MCF2L: variants seen among roughly 807,000 people sequenced by gnomAD.
The protein encoded by MCF2L is guanine nucleotide exchange factor DBS.
A neutral mutation model predicts 153.4 loss-of-function variants in MCF2L; 97 were observed. The ratio of observed to expected loss-of-function variants is 0.63; its 90% CI spans 0.54 to 0.75. The LOEUF is 0.75. Among genes scored for constraint, MCF2L ranks in the 30% least tolerant of loss-of-function variants. MCF2L has a pLI of 0.00. For synonymous variants in MCF2L, 659 were observed against 632.2 expected (o/e 1.04, Z -0.64); for missense variants, 1,347 against 1,495.2 (o/e 0.90, Z 1.64).
At chr13:112,894,603 G>C (rs1033770189) in intron 1 of MCF2L, among the ~76,000 whole-genome samples, 1 of 152,044 alleles carries the variant, frequency 6.6e-6, no homozygotes, top group African/African-American at 2.4e-5. Flanking sequence ...AGGGCGGCCT[G>C]GGATCGGCCC....
At chr13:112,939,662 G>A (rs1018950436) in intron 2 of MCF2L, among the ~76,000 whole-genome samples, 3 of 152,194 alleles carry the variant, frequency 2.0e-5, no homozygotes, top group Non-Finnish European at 4.4e-5. Context: ...AGCAGAGGGA[G>A]AGACACTCTT....
chr13:112,954,387 G>A (rs913798211), intron 2 of MCF2L, among the ~76,000 whole-genome samples: 1 of 152,184 alleles, frequency 6.6e-6, no homozygotes, highest in Non-Finnish European at 1.5e-5. Flanking sequence ...CGAGGAGGCA[G>A]CACCCCCGGC....
chr13:113,048,870 G>A (rs925559511), intron 4 of MCF2L, among the ~76,000 whole-genome samples: 1 of 152,242 alleles, frequency 6.6e-6, no homozygotes, highest in African/African-American at 2.4e-5. Context: ...GCTGGGTGAG[G>A]ACAGTTGAGG....
chr13:113,096,426 T>G lies in MCF2L; in HGVS notation c.3131T>G (p.Leu1044Arg). 6.3e-7 allele frequency: 1 copy of G among 1,596,926 alleles called. No individual in the cohort carries two copies. The highest frequency in any genetic ancestry group is 8.5e-7 in the Non-Finnish European group (1 of 1,173,048). The stretch of plus-strand genomic sequence containing the variant: ...CACGAGAAGGGAGGCCCCGATGCGC[T>G]GCGCGTGAGGAGCGGGGACGTGGTG... ...ADHEKGGPDALRVRSGDVVEL... is the reference protein window; with the variant it reads ...ADHEKGGPDARRVRSGDVVEL... The change falls in exon 28 of 30, where the codon CTG becomes CGG. Residue 1044 changes from leucine to arginine, a missense_variant. Leu to Arg is a moderately radical substitution (Grantham distance 102). This residue lies in a region of MCF2L where 383 missense variants were observed against 335.4 expected (regional missense o/e 1.14). Coordinates refer to ENST00000535094, the MANE Select transcript of MCF2L (RefSeq NM_001112732.3).
chr13:112,987,620 G>A (rs1435878884), intron 1 of MCF2L, among the ~76,000 whole-genome samples: 1 of 152,224 alleles, frequency 6.6e-6, no homozygotes, highest in Non-Finnish European at 1.5e-5. Flanking sequence ...CACTTCCATG[G>A]TAGTGGCAGA....
intron 9 of MCF2L, among the ~76,000 whole-genome samples, chr13:113,073,686 G>A (rs772135480): frequency 2.0e-5 from 3 of 152,182 alleles, no homozygotes; most frequent in African/African-American, 7.2e-5. Context: ...AGGCCAAGAC[G>A]GGTGGATCAC....
chr13:113,001,715 G>A, intron 1 of MCF2L: 1 of 1,361,234 alleles, frequency 7.3e-7, no homozygotes, highest in Non-Finnish European at 9.4e-7. Flanking sequence ...TCCTTAATCA[G>A]GGACATCGAA....
chr13:113,090,951 C>T (rs1001207802), intron 26 of MCF2L: 18 of 1,206,982 alleles, frequency 1.5e-5, no homozygotes, highest in Non-Finnish European at 1.6e-5. Context: ...CACTGCGCGG[C>T]CCCTCGGCTC....
chr13:113,096,614 C>T lies in MCF2L; in HGVS notation c.3253C>T (p.Leu1085Phe), dbSNP rs1291220607. 3.8e-6 allele frequency: 6 copies of T among 1,598,588 alleles called. No individual in the cohort carries two copies. Among genetic ancestry groups the T allele is most frequent in the Non-Finnish European group, 5.1e-6 (6 of 1,177,080 alleles). The change falls in exon 29 of 30, where the codon CTC (leucine) becomes TTC (phenylalanine). Residue 1085 changes from leucine to phenylalanine, a missense_variant. Around this residue, in one of 3 missense-constraint regions of MCF2L, gnomAD observed 383 missense variants for 335.4 expected, o/e 1.14. Transcript: ENST00000535094. The stretch of plus-strand genomic sequence containing the variant: ...GCCGGCCAGCAGCCTGTCCGTCCGG[C>T]TCGGCCCGTCCGGCTCGGCCCAGTG... ...WVPASSLSVR[L>F]GPSGSAQCLS...
At chr13:112,939,764 G>C (rs148349925) in intron 2 of MCF2L, among the ~76,000 whole-genome samples, 1 of 152,260 alleles carries the variant, frequency 6.6e-6, no homozygotes, top group East Asian at 1.9e-4. Flanking sequence ...GATCACCAGA[G>C]GTCAGGAGTT....
chr13:113,088,559 C>A lies in MCF2L; in HGVS notation c.2768-3C>A. ...ACGTGGTTTGTCTGCTCCCTCCTCG[C>A]AGAAGCCAGCCAGCACCGGGCGCTG... On this transcript the variant is annotated splice_polypyrimidine_tract_variant and splice_region_variant and intron_variant, in intron 24 of 29. Transcript: ENST00000535094. 1 of 1,611,124 alleles carries A rather than the reference C, an allele frequency of 6.2e-7. No individual in the cohort carries two copies. Among genetic ancestry groups the A allele is most frequent in the Non-Finnish European group, 8.5e-7 (1 of 1,179,750 alleles).
At chr13:112,917,135 C>T (rs1170061761) in intron 2 of MCF2L, 1 of 471,300 alleles carries the variant, frequency 2.1e-6, no homozygotes, top group Admixed American at 2.3e-5. Context: ...TCTCAGTCCC[C>T]TGGCTTGTGA....
chr13:113,043,197 C>G (rs538687524), intron 3 of MCF2L: 8 of 152,252 alleles, frequency 5.3e-5, no homozygotes, highest in African/African-American at 1.9e-4. Context: ...GAGCCCCTCC[C>G]GCCCAACACA....
At chr13:113,034,568 CCTCACCTTCTCCCTCGCCCTGGT>C (rs1210133095) in intron 3 of MCF2L, among the ~76,000 whole-genome samples, 2 of 151,706 alleles carry the variant, frequency 1.3e-5, no homozygotes, top group South Asian at 2.1e-4. Flanking sequence ...TCACCCTCGC[CCTCACCTTCTCCCTCGCCCTGGT>C]CTCACCCTCG....
At position 112,985,376 on chromosome 13, in the gene MCF2L, C is replaced by G. The variant is rs532612934; in HGVS notation, c.79+15918C>G. 8.5e-6 allele frequency: 4 copies of G among 470,668 alleles called. No homozygotes were observed. In the Admixed American group the frequency reaches 9.4e-5, roughly 11 times the overall value. The allele number at this position is 470,668 out of a possible 1,614,324, so 29.2% of individuals were successfully genotyped here. A position where few individuals can be genotyped will look rare whatever the true frequency, so the allele number is the denominator to read the frequency against. ...GCGCGCGTCCTCCCCGGCAGCTGAT[C>G]CTCGCCATGGGGGACGGAAAGGCTG... On this transcript the variant is annotated intron_variant, in intron 1 of 29. Transcript: ENST00000535094.
At chr13:112,939,429 C>T (rs772700118) in intron 2 of MCF2L, among the ~76,000 whole-genome samples, 1 of 152,174 alleles carries the variant, frequency 6.6e-6, no homozygotes, top group Non-Finnish European at 1.5e-5. Flanking sequence ...TGCATGCCCC[C>T]ACTGCTCCCA....
chr13:112,981,225 C>T (rs2082413322), intron 1 of MCF2L, among the ~76,000 whole-genome samples: 1 of 152,198 alleles, frequency 6.6e-6, no homozygotes, highest in African/African-American at 2.4e-5. Context: ...TGAGACATCC[C>T]CTCACTGTAC....
At position 113,066,697 on chromosome 13, in the gene MCF2L, C is replaced by T. The variant is rs961445867; in HGVS notation, c.881+527C>T. 2.2e-3 allele frequency among the ~76,000 whole-genome samples: 333 copies of T among 151,558 alleles called. 1 individual carries two copies. The highest frequency in any genetic ancestry group is 7.7e-3 in the African/African-American group (316 of 41,294). On this transcript the variant is annotated intron_variant, in intron 8 of 29. Coordinates refer to ENST00000535094, the MANE Select transcript of MCF2L (RefSeq NM_001112732.3). Reference sequence around the variant, plus strand: ...CAGAACTCCCTGAGCATCCCCCTCACCCCCCGAGAACTCCCCGAGCCTCCC... The same window carrying T: ...CAGAACTCCCTGAGCATCCCCCTCATCCCCCGAGAACTCCCCGAGCCTCCC...
intron 4 of MCF2L, among the ~76,000 whole-genome samples, chr13:113,059,399 C>T (rs140785892): frequency 2.0e-3 from 299 of 152,366 alleles, no homozygotes; most frequent in African/African-American, 7.0e-3. Flanking sequence ...GAGTCGGTCA[C>T]TCCTCCTCTA....
Sources: gnomAD v4.1 joint callset for allele counts (sites outside exome capture counted in the v4.1 genomes callset) on GRCh38, gnomAD v4.1.1 for gene constraint, gnomAD v4.1.1 regional missense constraint, MANE v1.5 for transcripts, NCBI Gene and HGNC (gene_info 2026-07-23, HGNC 2026-07-21) for gene names.